RB1: variants seen among roughly 807,000 people sequenced by gnomAD.
RB1 encodes RB transcriptional corepressor 1, also known as retinoblastoma-associated protein.
A neutral mutation model predicts 135.4 loss-of-function variants in RB1; 18 were observed. The ratio of observed to expected loss-of-function variants is 0.13; its 90% CI spans 0.09 to 0.20. RB1 has a LOEUF of 0.20. Among genes scored for constraint, RB1 ranks in the 10% least tolerant of loss-of-function variants. RB1 has a pLI of 1.00. For missense variants in RB1, 868 were observed against 1,110.0 expected, an observed-to-expected ratio of 0.78 and a Z score of 3.10; for synonymous variants, 365 against 373.2, an observed-to-expected ratio of 0.98 and a Z score of 0.25.
intron 17 of RB1, among the ~76,000 whole-genome samples, chr13:48,410,764 TCTG>T (rs1025693741): frequency 6.6e-5 from 10 of 152,292 alleles, no homozygotes; most frequent in Non-Finnish European, 8.8e-5. Context: ...ATAGATAGCA[TCTG>T]CTTTCTACAA....
At chr13:48,435,158 A>G (rs1949170914) in intron 17 of RB1, among the ~76,000 whole-genome samples, 4 of 152,214 alleles carry the variant, frequency 2.6e-5, no homozygotes, top group African/African-American at 9.6e-5. Context: ...GAGTGGTTGA[A>G]TCATTTTAAA....
chr13:48,320,254 C>T, intron 2 of RB1: 1 of 1,160,664 alleles, frequency 8.6e-7, no homozygotes, highest in Non-Finnish European at 1.2e-6. Flanking sequence ...GGCGTCTGCC[C>T]TGTGGCCCCT....
intron 3 of RB1, among the ~76,000 whole-genome samples, chr13:48,343,354 A>C (rs1219454165): frequency 6.6e-6 from 1 of 152,164 alleles, no homozygotes; most frequent in Non-Finnish European, 1.5e-5. Context: ...ATTTTTACCA[A>C]ATAGGTAATT....
chr13:48,316,719 TCACACACACACACACACA>T (rs60176662), intron 2 of RB1: 18,187 of 107,638 alleles, frequency 0.17, 1,490 homozygotes, highest in Admixed American at 0.2. Context: ...CACAGAACCA[TCACACACACACACACACA>T]CACACACACA....
Position 48,373,572 on chromosome 13 carries a change from T to C in RB1, c.1215+80T>C, listed in dbSNP as rs1013386600. The C allele has an allele frequency of 3.4e-6, 3 of 894,528 alleles. No homozygotes were observed. The African/African-American group carries it at 5.0e-5, about 15-fold the overall frequency. The allele number at this position is 894,528 out of a possible 1,614,324, so 55.4% of individuals were successfully genotyped here. A position where few individuals can be genotyped will look rare whatever the true frequency, so the allele number is the denominator to read the frequency against. ...ATTAAAAGTTAAAGTACTGAGTTCT[T>C]TTTAAAATACTAATCTCCTATCTAA... On this transcript the variant is annotated intron_variant, in intron 12 of 26. Coordinates refer to ENST00000267163, the MANE Select transcript of RB1 (RefSeq NM_000321.3).
At chr13:48,461,273 T>C (rs1949403438) in intron 20 of RB1, among the ~76,000 whole-genome samples, 1 of 152,186 alleles carries the variant, frequency 6.6e-6, no homozygotes, top group Non-Finnish European at 1.5e-5. Flanking sequence ...ATGTGGTCTT[T>C]TGTGTATGGC....
intron 18 of RB1, among the ~76,000 whole-genome samples, chr13:48,454,049 A>G (rs1038854324): frequency 2.0e-5 from 3 of 152,232 alleles, no homozygotes; most frequent in Non-Finnish European, 4.4e-5. Flanking sequence ...GTGCTGGGCA[A>G]TGGCCTAAGT....
At chr13:48,479,772 C>A (rs1235690940) in intron 26 of RB1, among the ~76,000 whole-genome samples, 5 of 152,038 alleles carry the variant, frequency 3.3e-5, no homozygotes, top group Non-Finnish European at 7.4e-5. Flanking sequence ...TATATCACCT[C>A]AAACATTTTT....
intron 17 of RB1, among the ~76,000 whole-genome samples, chr13:48,436,787 A>G (rs961347175): frequency 2.0e-5 from 3 of 152,204 alleles, no homozygotes; most frequent in Admixed American, 6.5e-5. Flanking sequence ...TCTATTTTCT[A>G]TTCTAGTTTC....
chr13:48,304,649 C>T (rs551937926), intron 1 of RB1, among the ~76,000 whole-genome samples: 72 of 152,116 alleles, frequency 4.7e-4, no homozygotes, highest in Non-Finnish European at 7.1e-4. Flanking sequence ...GCATCGAGGC[C>T]TTGGGGACTC....
chr13:48,421,844 C>T (rs1364525553), intron 17 of RB1, among the ~76,000 whole-genome samples: 2 of 152,002 alleles, frequency 1.3e-5, no homozygotes, highest in Admixed American at 6.6e-5. Context: ...GTTAGAATGG[C>T]GATTATTAAA....
chr13:48,413,690 T>C (rs996998419), intron 17 of RB1, among the ~76,000 whole-genome samples: 1 of 152,214 alleles, frequency 6.6e-6, no homozygotes, highest in African/African-American at 2.4e-5. Flanking sequence ...TTCTTTCCTC[T>C]TTCCTATGCA....
Position 48,362,941 on chromosome 13 carries a change from AATGTAATATAG to A in RB1, c.849_859del (p.Cys283Ter). ...ATTGAAGTTCTCTGTAAAGAACATG[AATGTAATATAG>A]ATGAGGTAATTTAACTTCATGATTT... On this transcript the variant is annotated frameshift_variant, in exon 8 of 27. Transcript: ENST00000267163. LOFTEE classifies it high-confidence loss of function. 1 of 1,613,292 alleles carries A rather than the reference AATGTAATATAG, an allele frequency of 6.2e-7. No homozygotes were observed. Among genetic ancestry groups the A allele is most frequent in the Non-Finnish European group, 8.5e-7 (1 of 1,179,348 alleles).
chr13:48,460,096 G>C (rs1397377200), intron 20 of RB1, among the ~76,000 whole-genome samples: 1 of 150,120 alleles, frequency 6.7e-6, no homozygotes, highest in African/African-American at 2.4e-5. Context: ...CAGCCTCCCA[G>C]GTAGCTAGGA....
chr13:48,320,460 G>C, intron 2 of RB1: 1 of 864,546 alleles, frequency 1.2e-6, no homozygotes, highest in South Asian at 1.5e-5. Context: ...CTGGAGTAGC[G>C]TTCCTGAGAA....
intron 7 of RB1, among the ~76,000 whole-genome samples, chr13:48,361,792 T>A (rs1021151800): frequency 2.0e-5 from 3 of 152,116 alleles, no homozygotes; most frequent in Non-Finnish European, 4.4e-5. Flanking sequence ...ATTTTTTAAA[T>A]AATCAGATTG....
chr13:48,423,544 A>G (rs916174327), intron 17 of RB1, among the ~76,000 whole-genome samples: 7 of 152,200 alleles, frequency 4.6e-5, no homozygotes, highest in African/African-American at 1.7e-4. Flanking sequence ...ATTTTTTTCC[A>G]CAATAAGACA....
intron 2 of RB1, among the ~76,000 whole-genome samples, chr13:48,335,468 C>G (rs532480384): frequency 6.6e-6 from 1 of 152,226 alleles, no homozygotes; most frequent in East Asian, 1.9e-4. Context: ...CTTGACTCAA[C>G]TCTATTTTTA....
At chr13:48,473,118 G>T (rs1006095066) in intron 23 of RB1, among the ~76,000 whole-genome samples, 1 of 152,142 alleles carries the variant, frequency 6.6e-6, no homozygotes, top group Non-Finnish European at 1.5e-5. Flanking sequence ...TATGGGCAAT[G>T]GCAGAATATG....
Sources: gnomAD v4.1 joint callset for allele counts (sites outside exome capture counted in the v4.1 genomes callset) on GRCh38, gnomAD v4.1.1 for gene constraint, MANE v1.5 for transcripts, NCBI Gene and HGNC (gene_info 2026-07-23, HGNC 2026-07-21) for gene names.